RBFOX1: variants seen among roughly 807,000 people sequenced by gnomAD.
RBFOX1 encodes the protein RNA binding protein fox-1 homolog 1.
A neutral mutation model predicts 57.7 loss-of-function variants in RBFOX1; 8 were observed. The ratio of observed to expected loss-of-function variants is 0.14; its 90% CI spans 0.08 to 0.25. RBFOX1 has a LOEUF of 0.25. RBFOX1 is among the 10% of genes least tolerant of loss of function. The pLI, the probability that RBFOX1 is intolerant of heterozygous loss-of-function variation, is 1.00. For missense variants in RBFOX1, 611 were observed against 548.5 expected, an observed-to-expected ratio of 1.11 and a Z score of -1.14; for synonymous variants, 326 against 222.4, an observed-to-expected ratio of 1.47 and a Z score of -4.15.
At chr16:6,637,421 A>ACAAATATATATTATATAT (rs1263831992) in intron 2 of RBFOX1, among the ~76,000 whole-genome samples, 773 of 11,214 alleles carry the variant, frequency 0.069, 12 homozygotes, top group Non-Finnish European at 0.24. Context: ...TATATAATAT[A>ACAAATATATATTATATAT]TAAATATATT....
chr16:7,060,127 GA>G (rs1238234552), intron 4 of RBFOX1, among the ~76,000 whole-genome samples: 7 of 152,018 alleles, frequency 4.6e-5, no homozygotes, highest in Admixed American at 6.6e-5. Flanking sequence ...AACTTTTTCT[GA>G]AAAAAGCCAG....
At chr16:7,445,679 A>G (rs1213318710) in intron 4 of RBFOX1, among the ~76,000 whole-genome samples, 1 of 152,182 alleles carries the variant, frequency 6.6e-6, no homozygotes, top group African/African-American at 2.4e-5. Context: ...ACATGGTACC[A>G]CAGTTTTTGT....
At chr16:5,528,893 A>G (rs975333565) in intron 2 of RBFOX1, among the ~76,000 whole-genome samples, 3 of 152,032 alleles carry the variant, frequency 2.0e-5, no homozygotes, top group African/African-American at 4.8e-5. Context: ...CAAGTGATCC[A>G]TCTGCTTCGG....
chr16:5,660,471 T>C (rs186970098), intron 3 of RBFOX1, among the ~76,000 whole-genome samples: 132 of 152,348 alleles, frequency 8.7e-4, no homozygotes, highest in Middle Eastern at 3.4e-3. Context: ...TCGTTATCAA[T>C]GCAATGTGAG....
chr16:7,352,743 TCTCA>T (rs2097150615), intron 4 of RBFOX1, among the ~76,000 whole-genome samples: 1 of 152,058 alleles, frequency 6.6e-6, no homozygotes, highest in African/African-American at 2.4e-5. Flanking sequence ...TGAGACAGGG[TCTCA>T]CTCTGTCACC....
rs149596020 is a variant in RBFOX1 at position 6,866,805 on chromosome 16, C to G, written c.-15-185252C>G. On this transcript the variant is annotated intron_variant, in intron 3 of 15. Transcript: ENST00000550418. The stretch of plus-strand genomic sequence containing the variant: ...GATCTGCCTGCCTTGGCCTCCCAAA[C>G]TGCTGGGATTACAGGCAGGAGCCAC... Among the ~76,000 whole-genome samples, 937 of 151,988 alleles carry G rather than the reference C, an allele frequency of 6.2e-3. 14 individuals are homozygous for G. Among genetic ancestry groups the G allele is most frequent in the African/African-American group, 0.021 (886 of 41,476 alleles).
At chr16:7,506,696 G>A (rs1300310800) in intron 4 of RBFOX1, among the ~76,000 whole-genome samples, 1 of 151,884 alleles carries the variant, frequency 6.6e-6, no homozygotes, top group Non-Finnish European at 1.5e-5. Flanking sequence ...GTTAAAATTC[G>A]GGTTCTTTCC....
chr16:5,441,943 C>A (rs1050095390), intron 1 of RBFOX1, among the ~76,000 whole-genome samples: 2 of 152,132 alleles, frequency 1.3e-5, no homozygotes, highest in Non-Finnish European at 2.9e-5. Context: ...AACTACAATT[C>A]AAGATGAGAT....
chr16:5,500,212 A>G (rs1597316364), intron 2 of RBFOX1, among the ~76,000 whole-genome samples: 1 of 134,478 alleles, frequency 7.4e-6, no homozygotes, highest in Non-Finnish European at 1.5e-5. Context: ...ATTCCATTGC[A>G]TTCCGTTCCG....
At chr16:5,878,654 G>T (rs937728591) in intron 4 of RBFOX1, among the ~76,000 whole-genome samples, 1 of 152,052 alleles carries the variant, frequency 6.6e-6, no homozygotes, top group Non-Finnish European at 1.5e-5. Flanking sequence ...CTTGACTTAG[G>T]GCTGATATCC....
intron 3 of RBFOX1, among the ~76,000 whole-genome samples, chr16:5,659,934 A>T (rs945749098): frequency 2.0e-5 from 3 of 152,180 alleles, no homozygotes; most frequent in African/African-American, 7.2e-5. Flanking sequence ...TTGTTATTTA[A>T]TGCATTAATA....
intron 3 of RBFOX1, among the ~76,000 whole-genome samples, chr16:6,762,572 A>G (rs1014857575): frequency 3.3e-5 from 5 of 152,190 alleles, no homozygotes; most frequent in African/African-American, 1.2e-4. Flanking sequence ...CTAGACTACT[A>G]TATTTAATTC....
intron 3 of RBFOX1, among the ~76,000 whole-genome samples, chr16:5,851,391 C>T (rs2056893595): frequency 1.3e-5 from 2 of 152,104 alleles, no homozygotes; most frequent in Admixed American, 1.3e-4. Flanking sequence ...GACCTTTTCC[C>T]TAGACCGCCT....
At position 5,505,800 on chromosome 16, in the gene RBFOX1, G is replaced by T. The variant is rs114965900; in HGVS notation, c.258+38546G>T. Among the ~76,000 whole-genome samples the T allele has an allele frequency of 8.1e-3, 1,235 of 152,232 alleles. 14 individuals are homozygous for T. Among genetic ancestry groups the T allele is most frequent in the East Asian group, 0.042 (219 of 5,154 alleles). On this transcript the variant is annotated intron_variant, in intron 2 of 2. Coordinates refer to the RBFOX1 transcript ENST00000585867. ...TGGAGGGCTGCTTGGGGATACCCCT[G>T]GCAGCTGTCTGGTACCTTCTCCCTA...
chr16:6,928,263 G>C (rs2075963373), intron 3 of RBFOX1, among the ~76,000 whole-genome samples: 1 of 152,184 alleles, frequency 6.6e-6, no homozygotes, highest in African/African-American at 2.4e-5. Context: ...TGGGCATCCA[G>C]ATTTTTAAAA....
At chr16:6,670,330 A>G (rs1002955407) in intron 3 of RBFOX1, among the ~76,000 whole-genome samples, 3 of 152,126 alleles carry the variant, frequency 2.0e-5, no homozygotes, top group African/African-American at 7.2e-5. Context: ...TTGGTCTCCC[A>G]AAATGCTGGG....
chr16:7,115,098 G>T (rs539021672), intron 4 of RBFOX1, among the ~76,000 whole-genome samples: 12 of 152,284 alleles, frequency 7.9e-5, no homozygotes, highest in African/African-American at 2.9e-4. Flanking sequence ...TAAAAATAAT[G>T]TATTATATAA....
chr16:7,621,823 A>C (rs1282272396), intron 10 of RBFOX1, among the ~76,000 whole-genome samples: 1 of 152,210 alleles, frequency 6.6e-6, no homozygotes, highest in Non-Finnish European at 1.5e-5. Context: ...CTTTGTCTGT[A>C]AAGGGCCAGA....
chr16:5,727,075 A>C (rs1188157502), intron 3 of RBFOX1, among the ~76,000 whole-genome samples: 2 of 152,190 alleles, frequency 1.3e-5, no homozygotes, highest in Non-Finnish European at 2.9e-5. Context: ...CCTGGCCCAC[A>C]TGGTAAAACC....
Sources: allele counts gnomAD v4.1 joint callset (sites outside exome capture counted in the v4.1 genomes callset), GRCh38; gene constraint gnomAD v4.1.1; transcripts MANE v1.5; gene names NCBI Gene and HGNC (gene_info 2026-07-23, HGNC 2026-07-21).